The following DOCK3 variants were observed in gnomAD, a reference collection of about 807,000 sequenced individuals.
DOCK3 encodes dedicator of cytokinesis 3.
DOCK3 carries 60 observed loss-of-function variants against 265.6 expected under a neutral mutation model. That is an observed-to-expected ratio of 0.23 (90% CI 0.18 to 0.28). DOCK3 has a LOEUF of 0.28. DOCK3 is among the 10% of genes least tolerant of loss of function. The pLI is 1.00. For synonymous variants in DOCK3, 881 were observed against 938.0 expected (o/e 0.94, Z 1.11); for missense variants, 1,981 against 2,594.3 (o/e 0.76, Z 5.14).
chr3:51,060,294 A>G (rs1479826622), intron 5 of DOCK3, among the ~76,000 whole-genome samples: 2 of 152,100 alleles, frequency 1.3e-5, no homozygotes, highest in African/African-American at 2.4e-5. Context: ...GCCTTTGACA[A>G]AGTCCTCCTT....
At chr3:50,741,292 T>A (rs11708644) in intron 1 of DOCK3, among the ~76,000 whole-genome samples, 136,886 of 151,200 alleles carry the variant, frequency 0.91, 62,122 homozygotes, top group African/African-American at 0.95. Flanking sequence ...TTATTATTAT[T>A]CTTTAAGTTT....
intron 1 of DOCK3, among the ~76,000 whole-genome samples, chr3:50,677,899 T>C (rs2107644987): frequency 6.6e-6 from 1 of 152,292 alleles, no homozygotes; most frequent in East Asian, 1.9e-4. Flanking sequence ...CATTGTAATA[T>C]TCTGTGAGTG....
In DOCK3 at chr3:50,877,358, G is replaced by T. The variant is rs371913984; in HGVS notation, c.163-12668G>T. 11 of 497,162 alleles carry T rather than the reference G, an allele frequency of 2.2e-5. No homozygotes were observed. The Admixed American group carries it at 2.2e-4, about 10-fold the overall frequency. The allele number at this position is 497,162 out of a possible 1,614,324, so 30.8% of individuals were successfully genotyped here. ...TTGAACTTCTTTCAGCATTGTACTA[G>T]TATCTTCATCATAATCCAGTTATGG... On this transcript the variant is annotated intron_variant, in intron 3 of 52. Coordinates refer to ENST00000266037, the MANE Select transcript of DOCK3 (RefSeq NM_004947.5).
At chr3:50,959,763 G>T (rs1292724820) in intron 5 of DOCK3, among the ~76,000 whole-genome samples, 1 of 151,844 alleles carries the variant, frequency 6.6e-6, no homozygotes, top group African/African-American at 2.4e-5. Context: ...TGTATTTTTA[G>T]TAGAGATGGG....
intron 1 of DOCK3, among the ~76,000 whole-genome samples, chr3:50,726,896 C>T (rs1217535954): frequency 6.6e-6 from 1 of 152,006 alleles, no homozygotes; most frequent in East Asian, 1.9e-4. Flanking sequence ...AGCCTATTCA[C>T]AGGGGGAAAA....
chr3:51,126,513 G>A (rs915428202), intron 9 of DOCK3, among the ~76,000 whole-genome samples: 6 of 152,092 alleles, frequency 3.9e-5, no homozygotes, highest in Admixed American at 2.6e-4. Context: ...GTCCTCCAGC[G>A]TCCTCACATG....
intron 9 of DOCK3, among the ~76,000 whole-genome samples, chr3:51,133,578 G>T (rs1201373856): frequency 6.6e-6 from 1 of 152,000 alleles, no homozygotes; most frequent in Non-Finnish European, 1.5e-5. Flanking sequence ...GGACATTTGG[G>T]TTGGTTCCAA....
intron 3 of DOCK3, among the ~76,000 whole-genome samples, chr3:50,857,940 A>G (rs570860838): frequency 6.6e-6 from 1 of 152,384 alleles, no homozygotes; most frequent in East Asian, 1.9e-4. Flanking sequence ...GTATACCCAA[A>G]GGATTATAAA....
intron 1 of DOCK3, among the ~76,000 whole-genome samples, chr3:50,728,792 G>A (rs1395190731): frequency 4.7e-5 from 7 of 149,730 alleles, no homozygotes; most frequent in Non-Finnish European, 8.9e-5. Flanking sequence ...GTGCGATCTC[G>A]GCTCACTGCA....
intron 21 of DOCK3, among the ~76,000 whole-genome samples, chr3:51,245,491 C>T (rs1454361157): frequency 6.7e-6 from 1 of 149,314 alleles, no homozygotes; most frequent in African/African-American, 2.5e-5. Context: ...CCTGGGTTCA[C>T]ACGATTCTTC....
At chr3:50,994,103 T>G (rs528302595) in intron 5 of DOCK3, among the ~76,000 whole-genome samples, 6 of 152,300 alleles carry the variant, frequency 3.9e-5, no homozygotes, top group Non-Finnish European at 7.3e-5. Context: ...GTGGCAGGAC[T>G]GAGAGACCTG....
At chr3:50,965,041 C>T (rs571768409) in intron 5 of DOCK3, among the ~76,000 whole-genome samples, 1 of 152,092 alleles carries the variant, frequency 6.6e-6, no homozygotes, top group South Asian at 2.1e-4. Flanking sequence ...ACTAGAAGAC[C>T]TGAACCACCA....
chr3:51,258,235 G>A (rs1289184892), intron 22 of DOCK3, among the ~76,000 whole-genome samples: 1 of 152,136 alleles, frequency 6.6e-6, no homozygotes, highest in Non-Finnish European at 1.5e-5. Context: ...TAAAATTAGA[G>A]GAGTAGTATG....
At chr3:50,741,089 G>T (rs2038988163) in intron 1 of DOCK3, among the ~76,000 whole-genome samples, 1 of 151,368 alleles carries the variant, frequency 6.6e-6, no homozygotes, top group Non-Finnish European at 1.5e-5. Flanking sequence ...TGTTTTCACG[G>T]TTCTATATCA....
chr3:51,044,819 T>G (rs2080697400), intron 5 of DOCK3, among the ~76,000 whole-genome samples: 1 of 152,124 alleles, frequency 6.6e-6, no homozygotes, highest in Non-Finnish European at 1.5e-5. Flanking sequence ...ACCAACCTCT[T>G]TTAGCTTAGA....
chr3:51,383,437 A>C lies in DOCK3; in HGVS notation c.*1878A>C, dbSNP rs1553619726. On this transcript the variant is annotated 3_prime_UTR_variant, in exon 53 of 53. Coordinates refer to ENST00000266037, the MANE Select transcript of DOCK3 (RefSeq NM_004947.5). ...ACCATCTGGTGTTCACAGGTGTTAG[A>C]GGGTTAGGGGTTAGGGGCTAGTTTT... 6.6e-6 allele frequency: 1 copy of C among 152,394 alleles called. No homozygotes were observed. The highest frequency in any genetic ancestry group is 6.6e-5 in the Admixed American group (1 of 15,266). The allele number at this position is 152,394 out of a possible 1,614,324, so 9.4% of individuals were successfully genotyped here.
At chr3:50,852,532 A>T (rs1285532218) in intron 3 of DOCK3, among the ~76,000 whole-genome samples, 8 of 152,144 alleles carry the variant, frequency 5.3e-5, no homozygotes, top group African/African-American at 1.9e-4. Context: ...ATATTTTAAG[A>T]AATCTGTCCA....
At chr3:51,319,814 G>T (rs1206504134) in intron 32 of DOCK3, among the ~76,000 whole-genome samples, 2 of 151,490 alleles carry the variant, frequency 1.3e-5, no homozygotes, top group Non-Finnish European at 2.9e-5. Context: ...GTAGTGAGCT[G>T]AGATTGCACC....
chr3:50,796,719 G>A (rs190970060), intron 2 of DOCK3, among the ~76,000 whole-genome samples: 167 of 152,140 alleles, frequency 1.1e-3, no homozygotes, highest in Middle Eastern at 3.4e-3. Context: ...TATCTTTGTG[G>A]GCTGATGTTT....
Sources: gnomAD v4.1 joint callset for allele counts (sites outside exome capture counted in the v4.1 genomes callset) on GRCh38, gnomAD v4.1.1 for gene constraint, MANE v1.5 for transcripts, NCBI Gene and HGNC (gene_info 2026-07-23, HGNC 2026-07-21) for gene names.